ABR: variants seen among roughly 807,000 people sequenced by gnomAD.
ABR encodes ABR activator of RhoGEF and GTPase.
Under a neutral mutation model 107.2 loss-of-function variants are expected in ABR, and 35 were observed. The observed-to-expected ratio is 0.33, with a 90% CI of 0.25 to 0.43. The LOEUF (loss-of-function observed/expected upper bound fraction) is 0.43. ABR is among the 20% of genes least tolerant of loss of function. The pLI, the probability that ABR is intolerant of heterozygous loss-of-function variation, is 1.00. For synonymous variants in ABR, 498 were observed against 462.0 expected (o/e 1.08, Z -1.00); for missense variants, 815 against 1,115.2 (o/e 0.73, Z 3.83).
rs980398789 is a variant in ABR at position 1,157,241 on chromosome 17, G to A, written c.61+22426C>T. On this transcript the variant is annotated intron_variant, in intron 1 of 22. Coordinates refer to ENST00000302538, the MANE Select transcript of ABR (RefSeq NM_021962.5). This position sits in a 1 kb window ranked among gnomAD's most constrained non-coding sequence, Gnocchi z 4.7. ...GCTACTAAGTCAGTCGTGCTACAGC[G>A]CACATTACTTTTTTTTTTTTTTTTT... 6.9e-6 allele frequency among the ~76,000 whole-genome samples: 1 copy of A among 145,282 alleles called. No individual in the cohort carries two copies. Among genetic ancestry groups the A allele is most frequent in the Non-Finnish European group, 1.5e-5 (1 of 66,874 alleles).
chr17:1,124,127 C>T (rs971963421), intron 2 of ABR, among the ~76,000 whole-genome samples: 3 of 151,912 alleles, frequency 2.0e-5, no homozygotes, highest in Admixed American at 1.3e-4. Context: ...ACAGCCACCC[C>T]GGTGTGTGAA....
At chr17:1,054,579 G>GGGGCACAAGGAACCTGAGGGGATGT (rs2033015670) in intron 14 of ABR, among the ~76,000 whole-genome samples, 3 of 92,762 alleles carry the variant, frequency 3.2e-5, no homozygotes, top group Non-Finnish European at 6.2e-5. Flanking sequence ...TGAGGGGATG[G>GGGGCACAAGGAACCTGAGGGGATGT]GGGCACAAGG....
chr17:1,157,867 G>A lies in ABR; in HGVS notation c.61+21800C>T, dbSNP rs958978365. ...TTCATGCTGCAGGTCAGCCTAGGAA[G>A]GGATCGTGCAGTTTGGTAGGTCACC... On this transcript the variant is annotated intron_variant, in intron 1 of 22. Coordinates refer to ENST00000302538, the MANE Select transcript of ABR (RefSeq NM_021962.5). The surrounding 1 kb of genome is among the most constrained non-coding windows in gnomAD (Gnocchi z 4.7). Among the ~76,000 whole-genome samples the A allele has an allele frequency of 1.3e-5, 2 of 152,254 alleles. No homozygotes were observed. Among genetic ancestry groups the A allele is most frequent in the African/African-American group, 4.8e-5 (2 of 41,460 alleles).
intron 16 of ABR, among the ~76,000 whole-genome samples, chr17:1,038,304 G>T (rs377085049): frequency 6.6e-6 from 1 of 152,208 alleles, no homozygotes; most frequent in African/African-American, 2.4e-5. Context: ...GGGACGTGGG[G>T]GTCTGAGAGA....
intron 1 of ABR, among the ~76,000 whole-genome samples, chr17:1,167,814 G>T (rs1280836216): frequency 6.6e-6 from 1 of 152,248 alleles, no homozygotes; most frequent in African/African-American, 2.4e-5. Context: ...TGGCAGAGAA[G>T]AAATGACAAC....
At position 1,154,196 on chromosome 17, in the gene ABR, G is replaced by A. The variant is rs546463037; in HGVS notation, c.61+25471C>T. ...TTCATGATCCTGGTGTCCCTGCCGCGGCTGCCACTTCTGGGAGATTCATCT... is the reference window on the plus strand; with the variant it reads ...TTCATGATCCTGGTGTCCCTGCCGCAGCTGCCACTTCTGGGAGATTCATCT... On this transcript the variant is annotated intron_variant, in intron 1 of 22. Coordinates refer to ENST00000302538, the MANE Select transcript of ABR (RefSeq NM_021962.5). This position sits in a 1 kb window ranked among gnomAD's most constrained non-coding sequence, Gnocchi z 4.0. The A allele has an allele frequency of 1.8e-4, 27 of 152,550 alleles. No individual in the cohort carries two copies. The South Asian group carries it at 2.9e-3, about 16-fold the overall frequency. 9.4% of individuals were successfully genotyped at this position (152,550 alleles called of 1,614,324 possible). A position where few individuals can be genotyped will look rare whatever the true frequency, so the allele number is the denominator to read the frequency against.
intron 3 of ABR, among the ~76,000 whole-genome samples, chr17:1,099,576 T>C (rs1174770525): frequency 1.3e-5 from 2 of 152,192 alleles, no homozygotes; most frequent in African/African-American, 4.8e-5. Context: ...TTACCTTATG[T>C]CTCAGGCTGC....
rs903366132 is a variant in ABR at position 1,083,079 on chromosome 17, G to A, written c.639+441C>T. Among the ~76,000 whole-genome samples, 12 of 143,946 alleles carry A rather than the reference G, an allele frequency of 8.3e-5. 1 individual carries two copies. Among genetic ancestry groups the A allele is most frequent in the East Asian group, 2.1e-4 (1 of 4,798 alleles). The allele number at this position is 143,946 out of a possible 152,430, so 94.4% of individuals were successfully genotyped here. ...GTAGAGGTTGCAGTGAGCCGAGACC[G>A]CGCCACTGCACTCCAGCCTGGGCGA... On this transcript the variant is annotated intron_variant, in intron 5 of 22. Coordinates refer to ENST00000302538, the MANE Select transcript of ABR (RefSeq NM_021962.5).
intron 1 of ABR, among the ~76,000 whole-genome samples, chr17:1,197,246 TCTC>T (rs1484432732): frequency 2.0e-5 from 3 of 151,624 alleles, no homozygotes; most frequent in Non-Finnish European, 4.4e-5. Flanking sequence ...CAGGCCGTGA[TCTC>T]CTGCTGTGGC....
At chr17:1,122,684 C>T (rs758775243) in intron 2 of ABR, among the ~76,000 whole-genome samples, 2 of 152,230 alleles carry the variant, frequency 1.3e-5, no homozygotes, top group Non-Finnish European at 2.9e-5. Flanking sequence ...CAGCTATTGA[C>T]TGCAGAGATT....
chr17:1,195,474 C>A (rs576296382), intron 1 of ABR, among the ~76,000 whole-genome samples: 83 of 151,938 alleles, frequency 5.5e-4, no homozygotes, highest in African/African-American at 1.9e-3. Flanking sequence ...CCCAGCCCTG[C>A]CTGACCCAGG....
intron 3 of ABR, 84 bp from the exon 4 acceptor site, chr17:1,091,934 C>A: frequency 7.2e-7 from 1 of 1,388,582 alleles, no homozygotes; most frequent in Non-Finnish European, 9.9e-7. Context: ...ATCGTTAGCC[C>A]TTCCCGCTGC....
intron 16 of ABR, chr17:1,031,812 G>GCTAGTTCCCTAGTCC (rs2072803281): frequency 8.1e-7 from 1 of 1,227,756 alleles, no homozygotes; most frequent in Non-Finnish European, 1.0e-6. Flanking sequence ...TGCCAGTCCC[G>GCTAGTTCCCTAGTCC]CTAGTTCCCT....
intron 1 of ABR, among the ~76,000 whole-genome samples, chr17:1,205,299 T>C (rs749771763): frequency 3.9e-5 from 6 of 152,164 alleles, no homozygotes; most frequent in Non-Finnish European, 8.8e-5. Context: ...AAATGGGGGC[T>C]AATAATACAA....
chr17:1,109,143 AGGCG>A, intron 2 of ABR: 2 of 603,334 alleles, frequency 3.3e-6, no homozygotes, highest in Non-Finnish European at 5.2e-6. Context: ...AGGAGGGAGG[AGGCG>A]GGCGGGAGGG....
chr17:1,100,677 C>T lies in ABR; in HGVS notation c.305G>A (p.Ser102Asn). Residue 102 changes from serine (S) to asparagine (N), a missense_variant, in exon 3 of 23, where the codon AGC becomes AAC. Ser to Asn is a conservative substitution (Grantham distance 46, BLOSUM62 1). This residue lies in a region of ABR where 385 missense variants were observed against 596.9 expected (regional missense o/e 0.64). Coordinates refer to ENST00000302538, the MANE Select transcript of ABR (RefSeq NM_021962.5). Reference protein sequence around the residue: ...RKLVLSGFLASEEIYINQLEA... With the variant: ...RKLVLSGFLANEEIYINQLEA... ...CAGCTGGTTAATGTAGATCTCTTCGCTGGCCAAGAACCCCGAGAGAACCAG... is the reference window on the plus strand; with the variant it reads ...CAGCTGGTTAATGTAGATCTCTTCGTTGGCCAAGAACCCCGAGAGAACCAG... 2 of 1,613,964 alleles carry T rather than the reference C, an allele frequency of 1.2e-6. No homozygotes were observed. Among genetic ancestry groups the T allele is most frequent in the South Asian group, 1.1e-5 (1 of 91,078 alleles).
intron 1 of ABR, among the ~76,000 whole-genome samples, chr17:1,216,313 A>G (rs1042004493): frequency 5.9e-5 from 9 of 152,172 alleles, no homozygotes; most frequent in African/African-American, 1.9e-4. Flanking sequence ...CCAGAGGAGG[A>G]GAGCGGGGCC....
intron 2 of ABR, among the ~76,000 whole-genome samples, chr17:1,124,234 G>T (rs2039486848): frequency 6.6e-6 from 1 of 152,180 alleles, no homozygotes; most frequent in South Asian, 2.1e-4. Context: ...GCCTCAGCTG[G>T]GGTGGGGGGG....
At chr17:1,075,165 G>A (rs2035597742) in intron 6 of ABR, among the ~76,000 whole-genome samples, 1 of 152,218 alleles carries the variant, frequency 6.6e-6, no homozygotes, top group Admixed American at 6.5e-5. Flanking sequence ...GGTGGCAGCT[G>A]GTGGATCAAC....
Sources: allele counts gnomAD v4.1 joint callset (sites outside exome capture counted in the v4.1 genomes callset), GRCh38; gene constraint gnomAD v4.1.1; regional missense constraint gnomAD v4.1.1; non-coding constraint Gnocchi (gnomAD v3.1); transcripts MANE v1.5; gene names NCBI Gene and HGNC (gene_info 2026-07-23, HGNC 2026-07-21).